SEMA3F: variants seen among roughly 807,000 people sequenced by gnomAD.
The protein encoded by SEMA3F is semaphorin 3F, also known as semaphorin-3F.
In SEMA3F, 30 loss-of-function variants were observed where a neutral mutation model predicts 98.5. That is an observed-to-expected ratio of 0.30 (90% CI 0.23 to 0.41). SEMA3F has a LOEUF of 0.41. Ranked by LOEUF, SEMA3F falls within the 10% of genes least tolerant of loss-of-function variation. The probability of loss-of-function intolerance (pLI) is 1.00; values close to 1 mark genes in which losing one functional copy is unlikely to be tolerated. For missense variants in SEMA3F, 866 were observed against 1,119.3 expected, an observed-to-expected ratio of 0.77 and a Z score of 3.23; for synonymous variants, 380 against 444.8, an observed-to-expected ratio of 0.85 and a Z score of 1.83.
Position 50,182,635 on chromosome 3 carries a change from C to A in SEMA3F, c.764-9C>A. ...AGGGGCTCACCCAGCTGACCCCTGC[C>A]ACCTGCAGACCCGTCGTTCATCCAT... On this transcript the variant is annotated splice_polypyrimidine_tract_variant and intron_variant, in intron 8 of 18. Coordinates refer to ENST00000002829, the MANE Select transcript of SEMA3F (RefSeq NM_004186.5). This position sits in a 1 kb window ranked among gnomAD's most constrained non-coding sequence, Gnocchi z 4.5. 1 of 1,609,774 alleles carries A rather than the reference C, an allele frequency of 6.2e-7. No homozygotes were observed. Among genetic ancestry groups the A allele is most frequent in the South Asian group, 1.1e-5 (1 of 90,862 alleles).
Position 50,183,219 on chromosome 3 carries a change from G to A in SEMA3F, c.1052G>A (p.Arg351Lys). ...TTTGTCCAGCAGACCCAGGACGTGA[G>A]GAACCCTGTCATTTACGCTGTCTTT... ...DVFVQQTQDV[R>K]NPVIYAVFTS... The change falls in exon 11 of 19, where the codon AGG becomes AAG. Residue 351 changes from arginine to lysine, a missense_variant. Coordinates refer to ENST00000002829, the MANE Select transcript of SEMA3F (RefSeq NM_004186.5). The A allele has an allele frequency of 6.2e-7, 1 of 1,614,184 alleles. No homozygotes were observed. The highest frequency in any genetic ancestry group is 8.5e-7 in the Non-Finnish European group (1 of 1,180,040).
At chr3:50,178,866 CTG>C (rs1698916821) in intron 7 of SEMA3F, among the ~76,000 whole-genome samples, 1 of 112,824 alleles carries the variant, frequency 8.9e-6, no homozygotes, top group Admixed American at 1.2e-4. Context: ...GAGTCTCGCT[CTG>C]TCGCCCAGGC....
chr3:50,162,871 TCACCC>T (rs1345115439), intron 2 of SEMA3F, among the ~76,000 whole-genome samples: 1 of 152,058 alleles, frequency 6.6e-6, no homozygotes, highest in Non-Finnish European at 1.5e-5. Context: ...GAGCAGAAGG[TCACCC>T]TGCCAGGGGA....
In SEMA3F at chr3:50,156,771, G is replaced by T. The variant is rs565027327; in HGVS notation, c.-49+1207G>T. On this transcript the variant is annotated intron_variant, in intron 1 of 18. Coordinates refer to ENST00000002829, the MANE Select transcript of SEMA3F (RefSeq NM_004186.5). This position sits in a 1 kb window ranked among gnomAD's most constrained non-coding sequence, Gnocchi z 4.5. ...CCCGGAAGTGGGGAGGTGGGGGCCG[G>T]AGAGAAAGCAGGGGCCAGAGAGAAG... 1.6e-3 allele frequency among the ~76,000 whole-genome samples: 238 copies of T among 152,304 alleles called. 2 individuals are homozygous for T. The highest frequency in any genetic ancestry group is 2.6e-3 in the Non-Finnish European group (174 of 68,010).
rs1334120439 is a variant in SEMA3F, at chr3:50,158,510, G to A, written c.-48-1065G>A. On this transcript the variant is annotated intron_variant, in intron 1 of 18. Coordinates refer to ENST00000002829, the MANE Select transcript of SEMA3F (RefSeq NM_004186.5). This position sits in a 1 kb window ranked among gnomAD's most constrained non-coding sequence, Gnocchi z 4.8. ...CCTCAGCATTGAGCAGCTATGGCAGGGGAGTCCCAGGCCATAGTACTGCCA... is the reference window on the plus strand; with the variant it reads ...CCTCAGCATTGAGCAGCTATGGCAGAGGAGTCCCAGGCCATAGTACTGCCA... Among the ~76,000 whole-genome samples the A allele has an allele frequency of 6.6e-6, 1 of 152,206 alleles. No homozygotes were observed. Among genetic ancestry groups the A allele is most frequent in the Non-Finnish European group, 1.5e-5 (1 of 68,026 alleles).
In SEMA3F at chr3:50,182,728, C is replaced by T. The variant is rs780454531; in HGVS notation, c.848C>T (p.Ser283Leu). ...CTTTACTTCTTCTTCCGTGAGCGGT[C>T]GGCAGAGGCGCCGCAGAGCCCCGCG... ...DKLYFFFRERSAEAPQSPAVY... is the reference protein window; with the variant it reads ...DKLYFFFRERLAEAPQSPAVY... The change falls in exon 9 of 19, where the codon TCG becomes TTG. Residue 283 changes from serine to leucine, a missense_variant. Ser to Leu is a moderately radical substitution (Grantham distance 145). Around this residue, in one of 3 missense-constraint regions of SEMA3F, gnomAD observed 374 missense variants for 582.8 expected, o/e 0.64. Coordinates refer to ENST00000002829, the MANE Select transcript of SEMA3F (RefSeq NM_004186.5). The surrounding 1 kb of genome is among the most constrained non-coding windows in gnomAD (Gnocchi z 4.5). The T allele has an allele frequency of 1.2e-6, 2 of 1,613,246 alleles. No individual in the cohort carries two copies. Among genetic ancestry groups the T allele is most frequent in the Non-Finnish European group, 1.7e-6 (2 of 1,180,034 alleles).
rs747998403 is a variant in SEMA3F at position 50,159,702 on chromosome 3, C to T, written c.80C>T (p.Pro27Leu). 32 of 1,612,416 alleles carry T rather than the reference C, an allele frequency of 2.0e-5. No individual in the cohort carries two copies. The highest frequency in any genetic ancestry group is 1.1e-4 in the South Asian group (10 of 90,962). Reference sequence around the variant, plus strand: ...TCCTTCCCCACCCAGGACCACCTCCCGGCCACGCCCCGGGTCCGGCTCTCA... The same window carrying T: ...TCCTTCCCCACCCAGGACCACCTCCTGGCCACGCCCCGGGTCCGGCTCTCA... ...WPSFPTQDHL[P>L]ATPRVRLSFK... is the part of the protein sequence containing the mutation. The change falls in exon 2 of 19, where the codon CCG becomes CTG. Residue 27 changes from proline to leucine, a missense_variant. Around this residue, in one of 3 missense-constraint regions of SEMA3F, gnomAD observed 247 missense variants for 276.0 expected, o/e 0.89. Transcript: ENST00000002829.
At chr3:50,167,014 C>T (rs767559979) in intron 2 of SEMA3F, among the ~76,000 whole-genome samples, 4 of 152,156 alleles carry the variant, frequency 2.6e-5, no homozygotes, top group Non-Finnish European at 4.4e-5. Flanking sequence ...TCAGAACAAT[C>T]CCCTCTTTCC....
chr3:50,185,477 C>T lies in SEMA3F; in HGVS notation c.1491C>T (p.Pro497=), dbSNP rs1699177091. The change falls in exon 14 of 19, where the codon CCC becomes CCT. Residue 497 remains proline (P), a synonymous_variant. Coordinates refer to ENST00000002829, the MANE Select transcript of SEMA3F (RefSeq NM_004186.5). ...RGTVQKVIVL[P]KDDQELEELM... is the part of the protein sequence containing the mutation. ...CAGTGCAGAAGGTCATTGTGCTGCC[C>T]AAGGATGACCAGGAGTTGGAGGAGC... 6.2e-7 allele frequency: 1 copy of T among 1,613,958 alleles called. No homozygotes were observed. The highest frequency in any genetic ancestry group is 8.5e-7 in the Non-Finnish European group (1 of 1,179,940).
intron 2 of SEMA3F, among the ~76,000 whole-genome samples, chr3:50,164,192 G>A (rs572027255): frequency 2.6e-5 from 4 of 152,268 alleles, no homozygotes; most frequent in Admixed American, 1.3e-4. Flanking sequence ...CTGGGCCTCC[G>A]CAGCACAGGC....
chr3:50,185,087 C>G (rs1470547267), intron 13 of SEMA3F, among the ~76,000 whole-genome samples: 1 of 152,178 alleles, frequency 6.6e-6, no homozygotes, highest in Non-Finnish European at 1.5e-5. Flanking sequence ...GGGGTGGAGA[C>G]AGATGGTAGG....
At position 50,182,679 on chromosome 3, in the gene SEMA3F, A is replaced by C. The variant is rs148950155; in HGVS notation, c.799A>C (p.Ser267Arg). ...CATCCATGCTGAGCTCATTCCTGACAGTGCGGAGCGCAATGATGATAAGCT... is the reference window on the plus strand; with the variant it reads ...CATCCATGCTGAGCTCATTCCTGACCGTGCGGAGCGCAATGATGATAAGCT... ...SFIHAELIPD[S>R]AERNDDKLYF... Residue 267 changes from serine (S) to arginine (R), a missense_variant, in exon 9 of 19, where the codon AGT becomes CGT. Coordinates refer to ENST00000002829, the MANE Select transcript of SEMA3F (RefSeq NM_004186.5). The surrounding 1 kb of genome is among the most constrained non-coding windows in gnomAD (Gnocchi z 4.5). The C allele has an allele frequency of 6.2e-7, 1 of 1,613,708 alleles. No individual in the cohort carries two copies. The highest frequency in any genetic ancestry group is 8.5e-7 in the Non-Finnish European group (1 of 1,180,004).
intron 2 of SEMA3F, among the ~76,000 whole-genome samples, chr3:50,162,322 G>T (rs1361133733): frequency 1.3e-5 from 2 of 152,246 alleles, no homozygotes; most frequent in African/African-American, 4.8e-5. Context: ...CCAGAAGGGT[G>T]TGAGGGTCAA....
chr3:50,159,502 C>G lies in SEMA3F; in HGVS notation c.-48-73C>G. 4.8e-6 allele frequency: 3 copies of G among 621,822 alleles called. No individual in the cohort carries two copies. In the South Asian group the frequency reaches 6.0e-5, roughly 12 times the overall value. The allele number at this position is 621,822 out of a possible 1,614,324, so 38.5% of individuals were successfully genotyped here. A position where few individuals can be genotyped will look rare whatever the true frequency, so the allele number is the denominator to read the frequency against. ...GAAGCGTGGAGGTACCCATCAACCT[C>G]TTTGTTCACCTTGGGTAGAAATTGA... On this transcript the variant is annotated intron_variant, in intron 1 of 18. Coordinates refer to ENST00000002829, the MANE Select transcript of SEMA3F (RefSeq NM_004186.5).
chr3:50,163,464 G>A (rs769479899), intron 2 of SEMA3F, among the ~76,000 whole-genome samples: 9 of 152,256 alleles, frequency 5.9e-5, no homozygotes, highest in East Asian at 5.8e-4. Flanking sequence ...CAGTGCCACC[G>A]CTCACATCAT....
chr3:50,184,820 C>A lies in SEMA3F; in HGVS notation c.1456+6C>A. ...GGTGCTTTTCCTGGGCACAGGTACC[C>A]ACTGCTGCTCCCGGCCTCTCCCACG... On this transcript the variant is annotated splice_donor_region_variant and intron_variant, in intron 13 of 18. Coordinates refer to ENST00000002829, the MANE Select transcript of SEMA3F (RefSeq NM_004186.5). 1 of 1,609,166 alleles carries A rather than the reference C, an allele frequency of 6.2e-7. No homozygotes were observed. The highest frequency in any genetic ancestry group is 2.2e-5 in the East Asian group (1 of 44,788).
intron 7 of SEMA3F, among the ~76,000 whole-genome samples, chr3:50,177,286 TC>T (rs1698850244): frequency 6.6e-6 from 1 of 152,140 alleles, no homozygotes; most frequent in African/African-American, 2.4e-5. Context: ...AATGGAGAGT[TC>T]CGGCCCTGTG....
chr3:50,183,643 C>A (rs1247317308), intron 12 of SEMA3F, 79 bp downstream of exon 12: 38 of 1,488,594 alleles, frequency 2.6e-5, no homozygotes, highest in Non-Finnish European at 3.4e-5. Context: ...GCAACATGGG[C>A]CCCACCATCA....
At position 50,174,168 on chromosome 3, in the gene SEMA3F, A is replaced by G. The variant is rs1368160265; in HGVS notation, c.336+54A>G. ...AGGGGGAATCCACAGGTGGGAAGGT[A>G]CTGCCCCCAGTGAGGGGGCAGGCCT... On this transcript the variant is annotated intron_variant, in intron 4 of 18. Transcript: ENST00000002829. 1.9e-6 allele frequency: 3 copies of G among 1,613,364 alleles called. No individual in the cohort carries two copies. The South Asian group carries it at 3.3e-5, about 18-fold the overall frequency.
Sources: gnomAD v4.1 joint callset for allele counts (sites outside exome capture counted in the v4.1 genomes callset) on GRCh38, gnomAD v4.1.1 for gene constraint, gnomAD v4.1.1 regional missense constraint, Gnocchi (gnomAD v3.1) non-coding constraint, MANE v1.5 for transcripts, NCBI Gene and HGNC (gene_info 2026-07-23, HGNC 2026-07-21) for gene names.